Variants in STX8 observed in about 807,000 individuals in gnomAD.
The protein encoded by STX8 is syntaxin 8.
Under a neutral mutation model 37.5 loss-of-function variants are expected in STX8, and 23 were observed. That is an observed-to-expected ratio of 0.61 (90% CI 0.44 to 0.87). The LOEUF (loss-of-function observed/expected upper bound fraction) is 0.87, where lower values mean the gene tolerates loss of function less well. Ranked by LOEUF, STX8 falls within the 40% of genes least tolerant of loss-of-function variation. The pLI is 0.00. For synonymous variants in STX8, 115 were observed against 99.1 expected (o/e 1.16, Z -0.95); for missense variants, 313 against 284.7 (o/e 1.10, Z -0.71).
At chr17:9,397,698 G>A (rs778620642) in intron 6 of STX8, among the ~76,000 whole-genome samples, 12 of 152,030 alleles carry the variant, frequency 7.9e-5, no homozygotes, top group African/African-American at 2.7e-4. Context: ...GATTGAGGCC[G>A]GGCACGGTAG....
chr17:9,398,238 C>T (rs76229416), intron 6 of STX8, among the ~76,000 whole-genome samples: 2,640 of 152,248 alleles, frequency 0.017, 43 homozygotes, highest in Non-Finnish European at 0.026. Flanking sequence ...TCGAGGTCAA[C>T]ATTAGTTACA....
chr17:9,520,859 A>G (rs913043817), intron 4 of STX8, among the ~76,000 whole-genome samples: 2 of 152,194 alleles, frequency 1.3e-5, no homozygotes, highest in South Asian at 2.1e-4. Context: ...TGTCAAAGTG[A>G]CTATATAAAA....
At chr17:9,366,072 CCCA>C (rs1158707463) in intron 7 of STX8, among the ~76,000 whole-genome samples, 1 of 152,182 alleles carries the variant, frequency 6.6e-6, no homozygotes, top group Non-Finnish European at 1.5e-5. Flanking sequence ...ATGATCTGGT[CCCA>C]GCCTGCCTAG....
intron 7 of STX8, among the ~76,000 whole-genome samples, chr17:9,275,745 G>T (rs1373562022): frequency 6.6e-6 from 1 of 152,012 alleles, no homozygotes; most frequent in African/African-American, 2.4e-5. Context: ...GCTCATGCCT[G>T]TAATCCCAGC....
rs1238948297 is a variant in STX8 at position 9,395,913 on chromosome 17, T to A, written c.542-17260A>T. On this transcript the variant is annotated intron_variant, in intron 6 of 7. Coordinates refer to ENST00000306357, the MANE Select transcript of STX8 (RefSeq NM_004853.3). Reference sequence around the variant, plus strand: ...TTATCATCAGCATAAAAACAAAACATGTAGAACAGCTCTAATTTGAGGACA... The same window carrying A: ...TTATCATCAGCATAAAAACAAAACAAGTAGAACAGCTCTAATTTGAGGACA... Among the ~76,000 whole-genome samples, 3 of 152,088 alleles carry A rather than the reference T, an allele frequency of 2.0e-5. No individual in the cohort carries two copies. The East Asian group carries it at 5.8e-4, about 29-fold the overall frequency.
chr17:9,363,526 G>T (rs866754360), intron 7 of STX8, among the ~76,000 whole-genome samples: 1 of 152,198 alleles, frequency 6.6e-6, no homozygotes, highest in African/African-American at 2.4e-5. Context: ...ACAACTGACT[G>T]TACTTCTAAA....
At chr17:9,272,239 G>A (rs1293595019) in intron 7 of STX8, among the ~76,000 whole-genome samples, 9 of 152,208 alleles carry the variant, frequency 5.9e-5, no homozygotes, top group Non-Finnish European at 8.8e-5. Context: ...CCAGATTGCC[G>A]GGCTTTGCTG....
chr17:9,496,077 T>C (rs1170450514), intron 5 of STX8, among the ~76,000 whole-genome samples: 4 of 1,582 alleles, frequency 2.5e-3, no homozygotes, highest in South Asian at 8.6e-3. Context: ...TTCTTTCTCT[T>C]TTTTTTTTTT....
At chr17:9,473,061 A>C (rs1165013028) in intron 6 of STX8, among the ~76,000 whole-genome samples, 1 of 141,002 alleles carries the variant, frequency 7.1e-6, no homozygotes, top group South Asian at 2.2e-4. Flanking sequence ...TTTTTTTTTG[A>C]GATGGAGTTT....
chr17:9,416,351 G>A (rs983378872), intron 6 of STX8, among the ~76,000 whole-genome samples: 4 of 151,984 alleles, frequency 2.6e-5, no homozygotes, highest in African/African-American at 7.3e-5. Context: ...ATTAACTATG[G>A]GAGGAATTTA....
At chr17:9,313,567 C>T (rs943698415) in intron 7 of STX8, among the ~76,000 whole-genome samples, 6 of 152,218 alleles carry the variant, frequency 3.9e-5, no homozygotes, top group African/African-American at 1.4e-4. Context: ...TCCCCAGCTG[C>T]CATGCCCATC....
At chr17:9,443,212 A>G (rs1032208796) in intron 6 of STX8, among the ~76,000 whole-genome samples, 2 of 152,208 alleles carry the variant, frequency 1.3e-5, no homozygotes, top group African/African-American at 4.8e-5. Flanking sequence ...AAGGGCAACC[A>G]CCACTATTCT....
chr17:9,387,220 G>T (rs997826162), intron 6 of STX8, among the ~76,000 whole-genome samples: 1 of 152,166 alleles, frequency 6.6e-6, no homozygotes, highest in Non-Finnish European at 1.5e-5. Flanking sequence ...GGAGGACTTG[G>T]ACACATAGCT....
At chr17:9,398,389 C>T (rs150668098) in intron 6 of STX8, among the ~76,000 whole-genome samples, 6 of 152,170 alleles carry the variant, frequency 3.9e-5, no homozygotes, top group Middle Eastern at 3.4e-3. Flanking sequence ...TAGTATCCTA[C>T]GAAATACCTG....
At chr17:9,363,328 A>G (rs1911127146) in intron 7 of STX8, among the ~76,000 whole-genome samples, 2 of 152,138 alleles carry the variant, frequency 1.3e-5, no homozygotes, top group African/African-American at 4.8e-5. Context: ...TTTCATTTCA[A>G]TTTACGGATA....
chr17:9,526,693 A>T (rs534498687), intron 4 of STX8, among the ~76,000 whole-genome samples: 27 of 152,228 alleles, frequency 1.8e-4, no homozygotes, highest in African/African-American at 5.5e-4. Flanking sequence ...AACATGGTGA[A>T]ACCCTGTCTC....
intron 6 of STX8, among the ~76,000 whole-genome samples, chr17:9,442,408 T>C (rs903563160): frequency 6.6e-6 from 1 of 152,196 alleles, no homozygotes; most frequent in African/African-American, 2.4e-5. Context: ...CCATAGTTTC[T>C]TTCTTTTAAG....
chr17:9,557,395 C>T, intron 3 of STX8, 39 bp downstream of exon 3: 3 of 1,537,628 alleles, frequency 2.0e-6, no homozygotes, highest in Non-Finnish European at 1.8e-6. Flanking sequence ...TGCTTTTCCT[C>T]CCACTCTAGA....
intron 3 of STX8, chr17:9,555,037 T>C (rs1027540171): frequency 1.3e-5 from 2 of 152,204 alleles, no homozygotes; most frequent in South Asian, 4.1e-4. Context: ...GATCAATTAT[T>C]TGAAAAAATA....
Sources: gnomAD v4.1 joint callset for allele counts (sites outside exome capture counted in the v4.1 genomes callset) on GRCh38, gnomAD v4.1.1 for gene constraint, MANE v1.5 for transcripts, NCBI Gene and HGNC (gene_info 2026-07-23, HGNC 2026-07-21) for gene names.